WWC1: variants seen among roughly 807,000 people sequenced by gnomAD.
WWC1 encodes protein KIBRA.
A neutral mutation model predicts 138.4 loss-of-function variants in WWC1; 55 were observed. That is an observed-to-expected ratio of 0.40 (90% CI 0.32 to 0.50). The LOEUF is 0.50. Ranked by LOEUF, WWC1 falls within the 20% of genes least tolerant of loss-of-function variation. The probability of loss-of-function intolerance (pLI) is 0.72; values close to 1 mark genes in which losing one functional copy is unlikely to be tolerated. For missense variants in WWC1, 1,226 were observed against 1,420.4 expected, an observed-to-expected ratio of 0.86 and a Z score of 2.20; for synonymous variants, 524 against 564.9, an observed-to-expected ratio of 0.93 and a Z score of 1.03.
intron 1 of WWC1, among the ~76,000 whole-genome samples, chr5:168,303,377 G>C (rs2152742610): frequency 6.6e-6 from 1 of 152,234 alleles, no homozygotes. Context: ...CAGGAGGATA[G>C]TTTGAGCCCA....
intron 17 of WWC1, among the ~76,000 whole-genome samples, chr5:168,448,976 A>G (rs1755546018): frequency 6.6e-6 from 1 of 152,190 alleles, no homozygotes; most frequent in African/African-American, 2.4e-5. Context: ...CCTAACCTAC[A>G]GCCTCTCTGA....
intron 2 of WWC1, among the ~76,000 whole-genome samples, chr5:168,378,473 T>G (rs1427710426): frequency 6.6e-6 from 1 of 152,232 alleles, no homozygotes; most frequent in East Asian, 1.9e-4. Flanking sequence ...AGTACCATAA[T>G]GCTTCCTATT....
intron 3 of WWC1, among the ~76,000 whole-genome samples, chr5:168,396,849 A>G (rs932309390): frequency 6.6e-6 from 1 of 152,198 alleles, no homozygotes; most frequent in African/African-American, 2.4e-5. Flanking sequence ...TATATACTGG[A>G]AGGCAACCTA....
rs1252842020 is a variant in WWC1 at position 168,292,162 on chromosome 5, C to T, written c.10C>T (p.Pro4Ser). 26 of 1,540,922 alleles carry T rather than the reference C, an allele frequency of 1.7e-5. No individual in the cohort carries two copies. The highest frequency in any genetic ancestry group is 2.3e-5 in the Non-Finnish European group (26 of 1,143,072). Reference sequence around the variant, plus strand: ...GGCAGCGCTTGGGAAGATGCCCCGGCCGGAGCTGCCCCTGCCGGAGGGCTG... The same window carrying T: ...GGCAGCGCTTGGGAAGATGCCCCGGTCGGAGCTGCCCCTGCCGGAGGGCTG... MPRPELPLPEGWEE... is the reference protein window; with the variant it reads MPRSELPLPEGWEE... Residue 4 changes from proline to serine, a missense_variant, in exon 1 of 23, where the codon CCG becomes TCG. By Grantham distance (74) the Pro-to-Ser change is moderately conservative. Transcript: ENST00000265293. This position sits in a 1 kb window ranked among gnomAD's most constrained non-coding sequence, Gnocchi z 4.4.
intron 1 of WWC1, among the ~76,000 whole-genome samples, chr5:168,343,812 G>A (rs1385475385): frequency 1.3e-5 from 1 of 75,620 alleles, no homozygotes; most frequent in Non-Finnish European, 2.7e-5. Flanking sequence ...GTGAGACTAT[G>A]TCTCAAAAAA....
chr5:168,377,676 A>G (rs10051004), intron 2 of WWC1, among the ~76,000 whole-genome samples: 2,083 of 152,348 alleles, frequency 0.014, 42 homozygotes, highest in African/African-American at 0.046. Flanking sequence ...AACATATGAA[A>G]AAATGCTCCA....
chr5:168,324,938 C>T (rs1288396053), intron 1 of WWC1, among the ~76,000 whole-genome samples: 1 of 152,192 alleles, frequency 6.6e-6, no homozygotes, highest in African/African-American at 2.4e-5. Context: ...AAAGACATGA[C>T]CATCCTAAAT....
At chr5:168,414,078 T>A in intron 8 of WWC1, 1 of 427,750 alleles carries the variant, frequency 2.3e-6, no homozygotes, top group East Asian at 4.5e-5. Flanking sequence ...TGGTGATGAA[T>A]CCACATCTCT....
chr5:168,428,548 C>G (rs1375490556), intron 12 of WWC1, among the ~76,000 whole-genome samples, 159 bp from the exon 13 acceptor site: 2 of 151,882 alleles, frequency 1.3e-5, no homozygotes, highest in Non-Finnish European at 1.5e-5. Context: ...AGTGAGCCCC[C>G]ATCTCTAAAA....
intron 1 of WWC1, among the ~76,000 whole-genome samples, chr5:168,310,771 G>A (rs1356425449): frequency 6.6e-6 from 1 of 150,430 alleles, no homozygotes; most frequent in African/African-American, 2.4e-5. Context: ...CCAGGGGGTC[G>A]AGGTTGCCGT....
At chr5:168,326,560 A>T (rs1772573300) in intron 1 of WWC1, among the ~76,000 whole-genome samples, 2 of 148,198 alleles carry the variant, frequency 1.3e-5, no homozygotes, top group South Asian at 4.3e-4. Context: ...TTGTTTTTAG[A>T]TGGAGTCTAG....
At chr5:168,333,348 G>A (rs151308260) in intron 1 of WWC1, among the ~76,000 whole-genome samples, 5 of 152,344 alleles carry the variant, frequency 3.3e-5, no homozygotes, top group African/African-American at 1.2e-4. Flanking sequence ...CCCTTCGGGA[G>A]CTGGGAGTGG....
intron 3 of WWC1, among the ~76,000 whole-genome samples, chr5:168,396,885 G>C (rs752989020): frequency 6.6e-6 from 1 of 152,074 alleles, no homozygotes; most frequent in Non-Finnish European, 1.5e-5. Flanking sequence ...TATTAGGGTG[G>C]TAAGATATGG....
Position 168,469,173 on chromosome 5 carries a change from A to G in WWC1, c.*156A>G. On this transcript the variant is annotated 3_prime_UTR_variant, in exon 23 of 23. Transcript: ENST00000265293. ...GAACCGACTTTTTAGTTTGGGTCCT[A>G]CTGTTGTTATTAAAAACAGAACAAA... 1 of 728,030 alleles carries G rather than the reference A, an allele frequency of 1.4e-6. No individual in the cohort carries two copies. Among genetic ancestry groups the G allele is most frequent in the Non-Finnish European group, 2.2e-6 (1 of 448,182 alleles). 45.1% of individuals were successfully genotyped at this position (728,030 alleles called of 1,614,324 possible). A position where few individuals can be genotyped will look rare whatever the true frequency, so the allele number is the denominator to read the frequency against.
intron 1 of WWC1, among the ~76,000 whole-genome samples, chr5:168,350,682 TCATTCAC>T (rs1238143242): frequency 3.3e-5 from 5 of 152,188 alleles, no homozygotes; most frequent in African/African-American, 1.2e-4. Context: ...GTTATCATGA[TCATTCAC>T]TCATTCATTC....
At chr5:168,411,607 T>C (rs1671790577) in intron 8 of WWC1, 1 of 152,202 alleles carries the variant, frequency 6.6e-6, no homozygotes, top group Non-Finnish European at 1.5e-5. Context: ...CTTGCCTTTA[T>C]GTTGGCTTTA....
At chr5:168,331,532 A>G (rs1489679049) in intron 1 of WWC1, among the ~76,000 whole-genome samples, 1 of 152,228 alleles carries the variant, frequency 6.6e-6, no homozygotes, top group Non-Finnish European at 1.5e-5. Context: ...TGTATGTCCT[A>G]CAGTGTGATT....
At chr5:168,379,692 A>G (rs2152814406) in intron 2 of WWC1, among the ~76,000 whole-genome samples, 1 of 152,264 alleles carries the variant, frequency 6.6e-6, no homozygotes, top group Non-Finnish European at 1.5e-5. Flanking sequence ...GAGCCACTGC[A>G]TCCAGCCAAC....
At chr5:168,430,360 A>T (rs1781844372) in intron 14 of WWC1, 137 bp downstream of exon 14, 1 of 640,526 alleles carries the variant, frequency 1.6e-6, no homozygotes, top group African/African-American at 1.8e-5. Context: ...TATGACTGTG[A>T]TGCTGAATGT....
Sources: allele counts gnomAD v4.1 joint callset (sites outside exome capture counted in the v4.1 genomes callset), GRCh38; gene constraint gnomAD v4.1.1; non-coding constraint Gnocchi (gnomAD v3.1); transcripts MANE v1.5; gene names NCBI Gene and HGNC (gene_info 2026-07-23, HGNC 2026-07-21).